Variants in CADPS observed in about 807,000 individuals in gnomAD.
The protein encoded by CADPS is calcium-dependent secretion activator 1.
In CADPS, 57 loss-of-function variants were observed where a neutral mutation model predicts 167.3. That is an observed-to-expected ratio of 0.34 (90% CI 0.28 to 0.42). The LOEUF is 0.42. Among genes scored for constraint, CADPS ranks in the 20% least tolerant of loss-of-function variants. The pLI, the probability that CADPS is intolerant of heterozygous loss-of-function variation, is 1.00. For synonymous variants in CADPS, 676 were observed against 635.3 expected (o/e 1.06, Z -0.96); for missense variants, 1,414 against 1,738.1 (o/e 0.81, Z 3.32).
At chr3:62,486,853 A>G (rs1469954006) in intron 21 of CADPS, among the ~76,000 whole-genome samples, 1 of 152,350 alleles carries the variant, frequency 6.6e-6, no homozygotes, top group East Asian at 1.9e-4. Flanking sequence ...GCAGTTTTGC[A>G]GTCATATTTA....
chr3:62,633,530 C>T (rs1284808550), intron 6 of CADPS, among the ~76,000 whole-genome samples: 1 of 152,068 alleles, frequency 6.6e-6, no homozygotes, highest in Non-Finnish European at 1.5e-5. Context: ...TCTTCTTGCC[C>T]CTCACAGGTG....
intron 1 of CADPS, among the ~76,000 whole-genome samples, chr3:62,850,518 C>T (rs1360311901): frequency 7.9e-6 from 1 of 126,232 alleles, no homozygotes; most frequent in Non-Finnish European, 1.7e-5. Flanking sequence ...TTTCTGCCTT[C>T]ATTTCGTTAT....
chr3:62,407,705 T>A (rs1010438668), intron 28 of CADPS, among the ~76,000 whole-genome samples: 4 of 152,176 alleles, frequency 2.6e-5, no homozygotes, highest in Admixed American at 2.0e-4. Context: ...GTTATTCCTC[T>A]CAGAAACATC....
At chr3:62,499,805 T>C (rs1299871811) in intron 17 of CADPS, 1 of 153,012 alleles carries the variant, frequency 6.5e-6, no homozygotes, top group Admixed American at 6.5e-5. Context: ...AAAAATTGGA[T>C]ATGCCTGGGC....
At chr3:62,403,743 G>A (rs1707287875) in intron 28 of CADPS, 1 of 152,152 alleles carries the variant, frequency 6.6e-6, no homozygotes, top group African/African-American at 2.4e-5. Context: ...GACAATGAAT[G>A]AAAATTTCTC....
chr3:62,807,107 C>A (rs1039303872), intron 1 of CADPS, among the ~76,000 whole-genome samples: 1 of 151,988 alleles, frequency 6.6e-6, no homozygotes, highest in Admixed American at 6.6e-5. Flanking sequence ...ACATTTTGAC[C>A]CAAGGGTTTG....
chr3:62,640,063 T>C (rs1306752910), intron 6 of CADPS, among the ~76,000 whole-genome samples: 1 of 152,176 alleles, frequency 6.6e-6, no homozygotes, highest in Non-Finnish European at 1.5e-5. Context: ...AGGCCAAGGT[T>C]TGAGATATGT....
At chr3:62,798,342 C>G (rs572463914) in intron 1 of CADPS, among the ~76,000 whole-genome samples, 34 of 152,172 alleles carry the variant, frequency 2.2e-4, no homozygotes, top group African/African-American at 7.9e-4. Context: ...AATCTTCCAG[C>G]CTTCATCCTC....
intron 3 of CADPS, among the ~76,000 whole-genome samples, chr3:62,710,986 C>G (rs908976663): frequency 6.6e-6 from 1 of 152,054 alleles, no homozygotes; most frequent in African/African-American, 2.4e-5. Context: ...TGCCCCTCCC[C>G]CAGAAGCCAG....
intron 1 of CADPS, among the ~76,000 whole-genome samples, chr3:62,864,030 C>G (rs143821668): frequency 6.6e-6 from 1 of 152,218 alleles, no homozygotes; most frequent in African/African-American, 2.4e-5. Context: ...TATTGGCCCT[C>G]ACTGAGATAA....
intron 3 of CADPS, among the ~76,000 whole-genome samples, chr3:62,667,698 C>A (rs2074727652): frequency 6.6e-6 from 1 of 152,030 alleles, no homozygotes; most frequent in Non-Finnish European, 1.5e-5. Flanking sequence ...CCCAAATGTA[C>A]CTGATCATGT....
At chr3:62,647,891 G>A (rs187761536) in intron 5 of CADPS, among the ~76,000 whole-genome samples, 1 of 152,266 alleles carries the variant, frequency 6.6e-6, no homozygotes, top group Admixed American at 6.5e-5. Flanking sequence ...AAAGCACCTG[G>A]CCCACAGTGG....
intron 26 of CADPS, among the ~76,000 whole-genome samples, chr3:62,450,759 T>C (rs2057920313): frequency 6.6e-6 from 1 of 152,124 alleles, no homozygotes; most frequent in Non-Finnish European, 1.5e-5. Flanking sequence ...CAAAGAACAT[T>C]TACTATGTAC....
intron 17 of CADPS, among the ~76,000 whole-genome samples, chr3:62,505,270 C>T (rs1057171496): frequency 6.6e-6 from 1 of 152,212 alleles, no homozygotes; most frequent in Non-Finnish European, 1.5e-5. Context: ...TATCCACTCC[C>T]TTTCAAAAGG....
chr3:62,442,280 C>T (rs1027965250), intron 27 of CADPS, among the ~76,000 whole-genome samples: 5 of 150,982 alleles, frequency 3.3e-5, no homozygotes, highest in East Asian at 2.0e-4. Context: ...GGCACAATCT[C>T]GGCTCACTGC....
intron 1 of CADPS, among the ~76,000 whole-genome samples, chr3:62,773,980 T>C (rs2089628645): frequency 6.6e-6 from 1 of 152,160 alleles, no homozygotes; most frequent in African/African-American, 2.4e-5. Flanking sequence ...GGCCACATGA[T>C]ACTCTAACAA....
chr3:62,701,832 C>G (rs1245229698), intron 3 of CADPS, among the ~76,000 whole-genome samples: 2 of 151,994 alleles, frequency 1.3e-5, no homozygotes, highest in South Asian at 2.1e-4. Flanking sequence ...GAAAGGAAAA[C>G]AAAAACTCAG....
intron 9 of CADPS, among the ~76,000 whole-genome samples, chr3:62,557,810 T>G (rs1393372522): frequency 1.3e-5 from 2 of 152,204 alleles, no homozygotes; most frequent in Non-Finnish European, 2.9e-5. Context: ...AAGTACTTGA[T>G]GAAGGTTAGC....
intron 13 of CADPS, among the ~76,000 whole-genome samples, chr3:62,529,299 CCA>C (rs1271030148): frequency 6.6e-6 from 1 of 152,090 alleles, no homozygotes; most frequent in Non-Finnish European, 1.5e-5. Context: ...CTCAATAGGA[CCA>C]GTCAAGATCC....
Sources: gnomAD v4.1 joint callset for allele counts (sites outside exome capture counted in the v4.1 genomes callset) on GRCh38, gnomAD v4.1.1 for gene constraint, MANE v1.5 for transcripts, NCBI Gene and HGNC (gene_info 2026-07-23, HGNC 2026-07-21) for gene names.